CDH13: variants seen among roughly 807,000 people sequenced by gnomAD.
The protein encoded by CDH13 is cadherin-13.
Under a neutral mutation model 63.8 loss-of-function variants are expected in CDH13, and 24 were observed. That is an observed-to-expected ratio of 0.38 (90% CI 0.27 to 0.53). The LOEUF (loss-of-function observed/expected upper bound fraction) is 0.53. CDH13 is among the 20% of genes least tolerant of loss of function. The pLI is 0.85. For missense variants in CDH13, 1,049 were observed against 903.1 expected (o/e 1.16, Z -2.07); for synonymous variants, 503 against 355.3 (o/e 1.42, Z -4.67).
chr16:83,539,030 T>G (rs1330902161), intron 7 of CDH13, among the ~76,000 whole-genome samples: 1 of 152,124 alleles, frequency 6.6e-6, no homozygotes, highest in Non-Finnish European at 1.5e-5. Flanking sequence ...TGTAAATCTT[T>G]GAGGGAGTCA....
At chr16:83,647,049 G>T (rs955561261) in intron 8 of CDH13, among the ~76,000 whole-genome samples, 1 of 151,732 alleles carries the variant, frequency 6.6e-6, no homozygotes, top group African/African-American at 2.4e-5. Context: ...GGTGGCTCAC[G>T]CCTGTAATCC....
intron 4 of CDH13, among the ~76,000 whole-genome samples, chr16:83,128,411 C>G (rs908919232): frequency 6.6e-6 from 1 of 152,218 alleles, no homozygotes; most frequent in East Asian, 1.9e-4. Context: ...CGTTTTTACA[C>G]AGCTTCTAGG....
intron 8 of CDH13, chr16:83,655,097 T>C (rs916255454): frequency 6.6e-6 from 1 of 152,238 alleles, no homozygotes; most frequent in African/African-American, 2.4e-5. Flanking sequence ...TTTAGAATTT[T>C]GTAGGACGGA....
chr16:83,191,659 C>T (rs1442683982), intron 4 of CDH13, among the ~76,000 whole-genome samples: 1 of 150,978 alleles, frequency 6.6e-6, no homozygotes, highest in African/African-American at 2.4e-5. Context: ...GCAAGGGAGC[C>T]AGTCCAAGTT....
intron 2 of CDH13, among the ~76,000 whole-genome samples, chr16:82,928,423 A>C (rs889849825): frequency 7.9e-5 from 12 of 152,172 alleles, no homozygotes; most frequent in African/African-American, 2.9e-4. Flanking sequence ...TAAAATTTTG[A>C]CACAGACCAT....
chr16:83,181,001 A>G (rs947891342), intron 4 of CDH13: 30 of 1,526,086 alleles, frequency 2.0e-5, no homozygotes, highest in Non-Finnish European at 2.5e-5. Flanking sequence ...AAAGGAATAA[A>G]TCACAAACAT....
At chr16:82,654,650 TG>T (rs1036566368) in intron 1 of CDH13, among the ~76,000 whole-genome samples, 4 of 152,136 alleles carry the variant, frequency 2.6e-5, no homozygotes, top group Non-Finnish European at 5.9e-5. Context: ...AACTTTTATT[TG>T]GGGGCAGACA....
intron 6 of CDH13, among the ~76,000 whole-genome samples, chr16:83,354,210 C>T (rs567025389): frequency 2.4e-4 from 37 of 152,328 alleles, no homozygotes; most frequent in African/African-American, 7.7e-4. Flanking sequence ...TGCTCACCAG[C>T]GCCGTTGGAT....
intron 4 of CDH13, among the ~76,000 whole-genome samples, chr16:83,149,971 C>G (rs925274067): frequency 6.6e-6 from 1 of 152,162 alleles, no homozygotes; most frequent in South Asian, 2.1e-4. Flanking sequence ...GAGATTGTAT[C>G]TTCTTATTTC....
At position 83,471,112 on chromosome 16, in the gene CDH13, C is replaced by T. The variant is rs112475829; in HGVS notation, c.782-15365C>T. Among the ~76,000 whole-genome samples, 5 of 152,144 alleles carry T rather than the reference C, an allele frequency of 3.3e-5. 1 individual carries two copies. Among genetic ancestry groups the T allele is most frequent in the African/African-American group, 1.2e-4 (5 of 41,518 alleles). ...TCCCATGTCTCTCTCTTACAAGGACCTTGTTGGGCCCACCCAGATAATCTA... is the reference window on the plus strand; with the variant it reads ...TCCCATGTCTCTCTCTTACAAGGACTTTGTTGGGCCCACCCAGATAATCTA... On this transcript the variant is annotated intron_variant, in intron 6 of 13. Transcript: ENST00000567109.
chr16:82,631,459 A>G (rs113533692), intron 1 of CDH13, among the ~76,000 whole-genome samples: 253 of 152,356 alleles, frequency 1.7e-3, no homozygotes, highest in African/African-American at 5.7e-3. Context: ...TCATCCAATT[A>G]CAATAATCAG....
At chr16:83,757,201 G>A (rs1913581303) in intron 11 of CDH13, among the ~76,000 whole-genome samples, 1 of 152,164 alleles carries the variant, frequency 6.6e-6, no homozygotes, top group Non-Finnish European at 1.5e-5. Context: ...ATAGAAATAT[G>A]AAATGTCAAA....
At chr16:82,912,158 G>A (rs1484557715) in intron 2 of CDH13, among the ~76,000 whole-genome samples, 1 of 151,902 alleles carries the variant, frequency 6.6e-6, no homozygotes, top group African/African-American at 2.4e-5. Context: ...TTAATCTCCA[G>A]CCCACTCCTC....
intron 6 of CDH13, among the ~76,000 whole-genome samples, chr16:83,368,306 G>A (rs2091292528): frequency 6.6e-6 from 1 of 152,118 alleles, no homozygotes; most frequent in Non-Finnish European, 1.5e-5. Flanking sequence ...GATACATACT[G>A]AGGTAGCATT....
At chr16:82,925,264 G>T (rs549173733) in intron 2 of CDH13, among the ~76,000 whole-genome samples, 1 of 152,154 alleles carries the variant, frequency 6.6e-6, no homozygotes, top group Non-Finnish European at 1.5e-5. Context: ...GCCCAGAGAG[G>T]TGGCCCCTCA....
chr16:83,039,954 T>C (rs1917194608), intron 3 of CDH13, among the ~76,000 whole-genome samples: 1 of 151,924 alleles, frequency 6.6e-6, no homozygotes, highest in Admixed American at 6.6e-5. Flanking sequence ...GCTGGCTAGG[T>C]GTTCTTTCTC....
chr16:83,296,818 A>C (rs1187109669), intron 5 of CDH13, among the ~76,000 whole-genome samples: 1 of 152,204 alleles, frequency 6.6e-6, no homozygotes, highest in East Asian at 1.9e-4. Flanking sequence ...GGGTTTATGT[A>C]ATGTACATGG....
At chr16:83,545,875 C>T (rs1009239297) in intron 7 of CDH13, among the ~76,000 whole-genome samples, 21 of 152,084 alleles carry the variant, frequency 1.4e-4, no homozygotes, top group Non-Finnish European at 2.5e-4. Context: ...TTTCTTTGAG[C>T]GTATTCATTC....
intron 13 of CDH13, among the ~76,000 whole-genome samples, chr16:83,793,554 T>A (rs1916411043): frequency 6.6e-6 from 1 of 152,172 alleles, no homozygotes; most frequent in Non-Finnish European, 1.5e-5. Flanking sequence ...TGAGATGCCT[T>A]TTTTCCTCTG....
Sources: gnomAD v4.1 joint callset for allele counts (sites outside exome capture counted in the v4.1 genomes callset) on GRCh38, gnomAD v4.1.1 for gene constraint, MANE v1.5 for transcripts, NCBI Gene and HGNC (gene_info 2026-07-23, HGNC 2026-07-21) for gene names.